The following CDH4 variants were observed in gnomAD, a reference collection of about 807,000 sequenced individuals.
CDH4 encodes the protein cadherin-4.
CDH4 carries 33 observed loss-of-function variants against 86.0 expected under a neutral mutation model. The observed-to-expected ratio is 0.38, with a 90% CI of 0.29 to 0.51. The LOEUF (loss-of-function observed/expected upper bound fraction) is 0.51, where lower values mean the gene tolerates loss of function less well. Among genes scored for constraint, CDH4 ranks in the 20% least tolerant of loss-of-function variants. The pLI, the probability that CDH4 is intolerant of heterozygous loss-of-function variation, is 0.86. For synonymous variants in CDH4, 555 were observed against 549.4 expected (o/e 1.01, Z -0.14); for missense variants, 1,114 against 1,307.4 (o/e 0.85, Z 2.28).
At chr20:61,856,699 C>T (rs1355917629) in intron 6 of CDH4, among the ~76,000 whole-genome samples, 2 of 152,244 alleles carry the variant, frequency 1.3e-5, no homozygotes, top group Non-Finnish European at 2.9e-5. Context: ...CTCCTGAATT[C>T]ATGAAATCCC....
chr20:61,253,719 C>T (rs1447908977), intron 1 of CDH4, among the ~76,000 whole-genome samples: 1 of 152,178 alleles, frequency 6.6e-6, no homozygotes, highest in Non-Finnish European at 1.5e-5. Flanking sequence ...CGCTCTCCTC[C>T]CTCGGTGCTG....
intron 3 of CDH4, among the ~76,000 whole-genome samples, chr20:61,766,008 G>C (rs2088694167): frequency 1.3e-5 from 2 of 152,008 alleles, no homozygotes; most frequent in South Asian, 4.1e-4. Context: ...GGAAAGTATG[G>C]GTAGGGTAGA....
chr20:61,326,804 G>C (rs2084539382), intron 2 of CDH4, among the ~76,000 whole-genome samples: 1 of 152,116 alleles, frequency 6.6e-6, no homozygotes, highest in Non-Finnish European at 1.5e-5. Context: ...TTTGATTTTA[G>C]GTGGATAGAA....
intron 2 of CDH4, among the ~76,000 whole-genome samples, chr20:61,476,679 G>A (rs1316687795): frequency 6.6e-6 from 1 of 152,212 alleles, no homozygotes; most frequent in East Asian, 1.9e-4. Flanking sequence ...GCAATTAAGT[G>A]TTAGGCTGGG....
intron 3 of CDH4, among the ~76,000 whole-genome samples, chr20:61,757,926 CTT>C (rs1452608469): frequency 6.6e-6 from 1 of 152,164 alleles, no homozygotes; most frequent in Non-Finnish European, 1.5e-5. Context: ...AAGTCACTGT[CTT>C]TGTTCACTCC....
At chr20:61,359,272 G>A (rs1270324603) in intron 2 of CDH4, among the ~76,000 whole-genome samples, 2 of 152,172 alleles carry the variant, frequency 1.3e-5, no homozygotes, top group Admixed American at 6.5e-5. Flanking sequence ...GGAGTTTGGG[G>A]GTGGGGGGTG....
At position 61,642,852 on chromosome 20, in the gene CDH4, C is replaced by A. The variant is rs1402235239; in HGVS notation, c.170-100711C>A. On this transcript the variant is annotated intron_variant, in intron 2 of 15. Coordinates refer to ENST00000614565, the MANE Select transcript of CDH4 (RefSeq NM_001794.5). Reference sequence around the variant, plus strand: ...CCATCTCTGAAGCCAGAAAATGTATCATTTAGACCTCTGCTTCCATCCTCG... The same window carrying A: ...CCATCTCTGAAGCCAGAAAATGTATAATTTAGACCTCTGCTTCCATCCTCG... Among the ~76,000 whole-genome samples the A allele has an allele frequency of 5.3e-5, 8 of 152,262 alleles. No individual in the cohort carries two copies. The East Asian group carries it at 1.4e-3, about 26-fold the overall frequency.
At chr20:61,301,571 A>G (rs890323363) in intron 2 of CDH4, among the ~76,000 whole-genome samples, 1 of 152,202 alleles carries the variant, frequency 6.6e-6, no homozygotes, top group Non-Finnish European at 1.5e-5. Flanking sequence ...CTCCGGCCAT[A>G]AAACTCAGCT....
intron 2 of CDH4, among the ~76,000 whole-genome samples, chr20:61,727,474 G>A (rs996063682): frequency 1.1e-4 from 17 of 152,110 alleles, no homozygotes; most frequent in African/African-American, 2.9e-4. Context: ...TATCATATGC[G>A]TTATTATTAT....
rs1413398329 is a variant in CDH4 at position 61,625,898 on chromosome 20, G to A, written c.170-117665G>A. On this transcript the variant is annotated intron_variant, in intron 2 of 15. Transcript: ENST00000614565. ...ATCACTTGGCCCGAGTTTTCCATTC[G>A]CACATCATGTAACCTTGACTTCTCG... Among the ~76,000 whole-genome samples, 26 of 152,346 alleles carry A rather than the reference G, an allele frequency of 1.7e-4. No individual in the cohort carries two copies. In the East Asian group the frequency reaches 3.5e-3, roughly 20 times the overall value.
intron 2 of CDH4, among the ~76,000 whole-genome samples, chr20:61,372,652 C>T (rs576153413): frequency 9.0e-4 from 137 of 152,330 alleles, no homozygotes; most frequent in African/African-American, 3.2e-3. Flanking sequence ...CTCCAGTTCT[C>T]GGTTACCCTG....
chr20:61,307,842 C>T (rs943779154), intron 2 of CDH4, among the ~76,000 whole-genome samples: 1 of 152,182 alleles, frequency 6.6e-6, no homozygotes, highest in African/African-American at 2.4e-5. Flanking sequence ...CAGCCGGGCT[C>T]CACCCACGGG....
At chr20:61,787,952 A>C (rs545028612) in intron 4 of CDH4, among the ~76,000 whole-genome samples, 1 of 152,334 alleles carries the variant, frequency 6.6e-6, no homozygotes, top group African/African-American at 2.4e-5. Flanking sequence ...CAGGTCACTC[A>C]GGGGCGTGTG....
At chr20:61,320,576 C>T (rs1001282641) in intron 2 of CDH4, among the ~76,000 whole-genome samples, 2 of 151,914 alleles carry the variant, frequency 1.3e-5, no homozygotes, top group Admixed American at 6.6e-5. Context: ...TATCTGGAGA[C>T]ATTGATGTTT....
At chr20:61,362,433 G>GT (rs148726961) in intron 2 of CDH4, among the ~76,000 whole-genome samples, 1,550 of 150,664 alleles carry the variant, frequency 0.01, 16 homozygotes, top group African/African-American at 0.033. Flanking sequence ...GCCTAGGACA[G>GT]TGTAGTGGAG....
At chr20:61,718,229 C>T (rs1240871782) in intron 2 of CDH4, 3 of 160,412 alleles carry the variant, frequency 1.9e-5, no homozygotes, top group East Asian at 1.8e-4. Context: ...GTCCAAGGGG[C>T]CCTGCCTTCC....
Position 61,936,904 on chromosome 20 carries a change from G to A in CDH4, c.2712G>A (p.Lys904=). The change falls in exon 16 of 16, where the codon AAG becomes AAA. Residue 904 remains lysine (K), a synonymous_variant. Coordinates refer to ENST00000614565, the MANE Select transcript of CDH4 (RefSeq NM_001794.5). ...TCAACGACTGGGGGCCCAGATTCAA[G>A]AAGCTGGCGGACATGTATGGAGGTG... is the stretch of plus-strand genomic sequence containing the variant. ...DYLNDWGPRF[K]KLADMYGGGE... is the part of the protein sequence containing the mutation. The A allele has an allele frequency of 6.2e-7, 1 of 1,600,530 alleles. No homozygotes were observed. The highest frequency in any genetic ancestry group is 8.5e-7 in the Non-Finnish European group (1 of 1,173,700).
chr20:61,468,917 C>A (rs866565160), intron 2 of CDH4, among the ~76,000 whole-genome samples: 4 of 152,156 alleles, frequency 2.6e-5, no homozygotes, highest in South Asian at 2.1e-4. Flanking sequence ...GAATAATACT[C>A]CATCGTGTAT....
intron 2 of CDH4, among the ~76,000 whole-genome samples, chr20:61,654,160 C>T (rs1970022): frequency 0.38 from 57,213 of 151,816 alleles, 11,541 homozygotes; most frequent in Non-Finnish European, 0.46. Context: ...AACCAGACTC[C>T]GTCTGCAATC....
Sources: gnomAD v4.1 joint callset for allele counts (sites outside exome capture counted in the v4.1 genomes callset) on GRCh38, gnomAD v4.1.1 for gene constraint, MANE v1.5 for transcripts, NCBI Gene and HGNC (gene_info 2026-07-23, HGNC 2026-07-21) for gene names.